Variants in SHROOM2 observed in about 807,000 individuals in gnomAD.
SHROOM2 encodes shroom family member 2.
SHROOM2 carries 33 observed loss-of-function variants against 75.9 expected under a neutral mutation model. The observed-to-expected ratio is 0.43, with a 90% CI of 0.33 to 0.58. The LOEUF (loss-of-function observed/expected upper bound fraction) is 0.58, where lower values mean the gene tolerates loss of function less well. SHROOM2 is among the 20% of genes least tolerant of loss of function. The probability of loss-of-function intolerance (pLI) is 0.04; values close to 1 mark genes in which losing one functional copy is unlikely to be tolerated. For synonymous variants in SHROOM2, 655 were observed against 663.6 expected (o/e 0.99, Z 0.20); for missense variants, 1,434 against 1,461.2 (o/e 0.98, Z 0.30).
intron 1 of SHROOM2, among the ~76,000 whole-genome samples, chrX:9,867,355 C>T (rs2084145990): frequency 9.0e-6 from 1 of 111,357 alleles, no homozygotes; most frequent in South Asian, 3.8e-4. Context: ...GGGCCGGCAT[C>T]GTCATGGGTC....
At chrX:9,914,097 C>G (rs1347252968) in intron 5 of SHROOM2, among the ~76,000 whole-genome samples, 1 of 97,534 alleles carries the variant, frequency 1.0e-5, no homozygotes, top group Admixed American at 1.2e-4. Flanking sequence ...CCGATCACCA[C>G]CAACCCAAAC....
intron 2 of SHROOM2, among the ~76,000 whole-genome samples, chrX:9,889,269 A>G (rs1038251438): frequency 3.6e-5 from 4 of 112,511 alleles, no homozygotes; most frequent in African/African-American, 6.5e-5. Flanking sequence ...GATCTGAGTC[A>G]TCGAAAGGTT....
chrX:9,936,530 G>GA (rs1307026611), intron 6 of SHROOM2, among the ~76,000 whole-genome samples: 2 of 112,257 alleles, frequency 1.8e-5, no homozygotes, highest in Non-Finnish European at 3.8e-5. Context: ...ACGCTAGCTT[G>GA]AAGCACAGCG....
intron 5 of SHROOM2, 41 bp from the exon 6 acceptor site, chrX:9,932,126 GAAGGTATT>G (rs1227339595): frequency 3.8e-6 from 4 of 1,050,707 alleles, no homozygotes; most frequent in Non-Finnish European, 5.1e-6. Context: ...CTTGTGGTGG[GAAGGTATT>G]ATTGGAATCG....
At chrX:9,840,573 A>C (rs1317423400) in intron 1 of SHROOM2, among the ~76,000 whole-genome samples, 1 of 112,004 alleles carries the variant, frequency 8.9e-6, no homozygotes, top group Non-Finnish European at 1.9e-5. Flanking sequence ...CTGGCCTGCT[A>C]TTTTCACAGA....
chrX:9,876,376 C>T (rs921098920), intron 2 of SHROOM2, among the ~76,000 whole-genome samples: 1 of 111,796 alleles, frequency 8.9e-6, no homozygotes, highest in African/African-American at 3.3e-5. Context: ...TGTGGTTTTC[C>T]TTACTACAAA....
intron 1 of SHROOM2, among the ~76,000 whole-genome samples, chrX:9,835,810 T>C (rs2083941404): frequency 1.8e-5 from 2 of 109,182 alleles, no homozygotes; most frequent in African/African-American, 6.7e-5. Context: ...CCATCATAGG[T>C]CACTGCAGCC....
At chrX:9,861,887 G>A (rs2084105788) in intron 1 of SHROOM2, among the ~76,000 whole-genome samples, 1 of 111,516 alleles carries the variant, frequency 9.0e-6, no homozygotes, top group South Asian at 3.8e-4. Context: ...TCTGCCACCA[G>A]GGGATCCTGT....
intron 1 of SHROOM2, chrX:9,818,729 T>A: frequency 2.2e-6 from 1 of 451,977 alleles, no homozygotes. Flanking sequence ...TCTGCTTCAG[T>A]AACAATTTCT....
At chrX:9,827,240 T>TTTTTTTTTG (rs2083892696) in intron 1 of SHROOM2, among the ~76,000 whole-genome samples, 1 of 98,793 alleles carries the variant, frequency 1.0e-5, no homozygotes, top group Non-Finnish European at 2.0e-5. Flanking sequence ...TTTTTTTTTT[T>TTTTTTTTTG]GAGACAGGGT....
chrX:9,868,913 T>C (rs1269044696), intron 1 of SHROOM2, among the ~76,000 whole-genome samples: 2 of 108,820 alleles, frequency 1.8e-5, no homozygotes, highest in Non-Finnish European at 3.8e-5. Flanking sequence ...TATATATCAC[T>C]CTTATACTGG....
chrX:9,860,055 C>T (rs1384312043), intron 1 of SHROOM2, among the ~76,000 whole-genome samples: 1 of 111,628 alleles, frequency 9.0e-6, no homozygotes, highest in African/African-American at 3.3e-5. Flanking sequence ...GTGGTTCTCC[C>T]CTGGGGGCAG....
chrX:9,797,953 C>T (rs2083704070), intron 1 of SHROOM2, among the ~76,000 whole-genome samples: 1 of 111,870 alleles, frequency 8.9e-6, no homozygotes, highest in African/African-American at 3.3e-5. Flanking sequence ...AACAGAACTG[C>T]CTTCATCAGA....
chrX:9,849,091 G>A (rs2084024227), intron 1 of SHROOM2, among the ~76,000 whole-genome samples: 1 of 111,883 alleles, frequency 8.9e-6, no homozygotes, highest in Non-Finnish European at 1.9e-5. Context: ...CCTTGCTGTG[G>A]CCTATCTGGG....
At position 9,948,953 on chromosome X, in the gene SHROOM2, G is replaced by C. The variant is rs2084847224; in HGVS notation, c.*2016G>C. The C allele has an allele frequency of 7.4e-6, 1 of 135,506 alleles. No homozygotes were observed. Among genetic ancestry groups the C allele is most frequent in the Non-Finnish European group, 1.5e-5 (1 of 66,800 alleles). 11.2% of individuals were successfully genotyped at this position (135,506 alleles called of 1,213,427 possible). A position where few individuals can be genotyped will look rare whatever the true frequency, so the allele number is the denominator to read the frequency against. On this transcript the variant is annotated 3_prime_UTR_variant, in exon 10 of 10. Transcript: ENST00000380913. ...CTGTTATTCTTTGCCCTCAAATACA[G>C]TATTGTGGTCATTTTGATGATATGT...
Position 9,896,306 on chromosome X carries a change from T to A in SHROOM2, c.2398T>A (p.Phe800Ile). ...TVGTFADRWKFFEETSKPVPQ... is the reference protein window; with the variant it reads ...TVGTFADRWKIFEETSKPVPQ... ...GGGCACGTTTGCTGACAGGTGGAAG[T>A]TTTTTGAGGAAACGAGCAAACCTGT... The change falls in exon 4 of 10, where the codon TTT (phenylalanine) becomes ATT (isoleucine). Residue 800 changes from phenylalanine to isoleucine, a missense_variant. Coordinates refer to ENST00000380913, the MANE Select transcript of SHROOM2 (RefSeq NM_001649.4). 8.3e-7 allele frequency: 1 copy of A among 1,211,481 alleles called. No individual in the cohort carries two copies. Among genetic ancestry groups the A allele is most frequent in the Non-Finnish European group, 1.1e-6 (1 of 895,375 alleles).
At position 9,932,038 on chromosome X, in the gene SHROOM2, C is replaced by T. The variant is rs951735799; in HGVS notation, c.2892-137C>T. 1.2e-5 allele frequency: 6 copies of T among 504,565 alleles called. 1 individual carries two copies. Among genetic ancestry groups the T allele is most frequent in the African/African-American group, 2.5e-5 (1 of 40,394 alleles). The allele number at this position is 504,565 out of a possible 1,213,427, so 41.6% of individuals were successfully genotyped here. ...CACCTTGCATGAGGAGTTGCGGTGG[C>T]GACAGGTGTGGGAAAGTGCATATGG... is the stretch of plus-strand genomic sequence containing the variant. On this transcript the variant is annotated intron_variant, in intron 5 of 9. Transcript: ENST00000380913.
intron 5 of SHROOM2, among the ~76,000 whole-genome samples, chrX:9,920,202 A>G (rs2238885): frequency 0.35 from 38,558 of 110,354 alleles, 5,578 homozygotes; most frequent in African/African-American, 0.55. Flanking sequence ...ACTCACCACA[A>G]CTCATCAGAC....
In SHROOM2 at chrX:9,947,648, C is replaced by T. The variant is rs1276769463; in HGVS notation, c.*711C>T. The T allele has an allele frequency of 8.9e-6, 1 of 112,423 alleles. No homozygotes were observed. Among genetic ancestry groups the T allele is most frequent in the Non-Finnish European group, 1.9e-5 (1 of 53,361 alleles). The allele number at this position is 112,423 out of a possible 1,213,427, so 9.3% of individuals were successfully genotyped here. On this transcript the variant is annotated 3_prime_UTR_variant, in exon 10 of 10. Coordinates refer to ENST00000380913, the MANE Select transcript of SHROOM2 (RefSeq NM_001649.4). ...AGTCACGCACCAAGCAGGCAAATAG[C>T]TTTAGTCCTTCTCACCTCACATCAC...
Sources: gnomAD v4.1 joint callset for allele counts (sites outside exome capture counted in the v4.1 genomes callset) on GRCh38, gnomAD v4.1.1 for gene constraint, MANE v1.5 for transcripts, NCBI Gene and HGNC (gene_info 2026-07-23, HGNC 2026-07-21) for gene names.